Variants in EPB41L2 observed in about 807,000 individuals in gnomAD.
EPB41L2 encodes erythrocyte membrane protein band 4.1 like 2.
A neutral mutation model predicts 113.0 loss-of-function variants in EPB41L2; 43 were observed. That is an observed-to-expected ratio of 0.38 (90% confidence interval 0.30 to 0.49). The LOEUF is 0.49. Ranked by LOEUF, EPB41L2 falls within the 20% of genes least tolerant of loss-of-function variation. The pLI is 0.95. For missense variants in EPB41L2, 1,147 were observed against 1,223.4 expected, an observed-to-expected ratio of 0.94 and a Z score of 0.93; for synonymous variants, 442 against 436.7, an observed-to-expected ratio of 1.01 and a Z score of -0.15.
At chr6:131,035,114 G>A (rs1048737732) in intron 1 of EPB41L2, among the ~76,000 whole-genome samples, 2 of 152,132 alleles carry the variant, frequency 1.3e-5, no homozygotes, top group Non-Finnish European at 2.9e-5. Flanking sequence ...AAAAGCATCC[G>A]AGACCTCTGT....
chr6:130,983,702 T>C (rs934077194), intron 1 of EPB41L2, among the ~76,000 whole-genome samples: 1 of 151,936 alleles, frequency 6.6e-6, no homozygotes, highest in African/African-American at 2.4e-5. Flanking sequence ...TGATTTTTTT[T>C]ATTTTTTGTA....
chr6:130,913,757 G>A (rs916114325), intron 4 of EPB41L2, among the ~76,000 whole-genome samples: 2 of 151,934 alleles, frequency 1.3e-5, no homozygotes, highest in Non-Finnish European at 2.9e-5. Flanking sequence ...ACAAGTTAAT[G>A]ATCTGCATTA....
chr6:130,884,474 T>C (rs1268927554), intron 12 of EPB41L2, among the ~76,000 whole-genome samples: 1 of 152,152 alleles, frequency 6.6e-6, no homozygotes, highest in African/African-American at 2.4e-5. Flanking sequence ...TCTGAAGAAT[T>C]CAAAGGCTTC....
intron 3 of EPB41L2, among the ~76,000 whole-genome samples, chr6:130,952,863 T>C (rs1379821866): frequency 6.6e-6 from 1 of 151,982 alleles, no homozygotes. Flanking sequence ...ATAGAAATTT[T>C]TGTGCTGGAT....
intron 1 of EPB41L2, among the ~76,000 whole-genome samples, chr6:131,047,650 G>T (rs1226463728): frequency 6.6e-6 from 1 of 152,274 alleles, no homozygotes; most frequent in East Asian, 1.9e-4. Context: ...AATGTTTAAG[G>T]CATGTACCTT....
At chr6:131,048,835 C>T (rs1042954884) in intron 1 of EPB41L2, among the ~76,000 whole-genome samples, 5 of 151,816 alleles carry the variant, frequency 3.3e-5, no homozygotes, top group African/African-American at 7.3e-5. Context: ...AAAAACACTT[C>T]GATAATCAGA....
At chr6:130,894,286 G>A in intron 10 of EPB41L2, 58 bp downstream of exon 10, 1 of 1,404,390 alleles carries the variant, frequency 7.1e-7, no homozygotes, top group Non-Finnish European at 1.0e-6. Context: ...TCCTGAGTCA[G>A]TGGAATTACA....
At chr6:130,907,078 CA>C (rs897643724) in intron 5 of EPB41L2, among the ~76,000 whole-genome samples, 12 of 146,430 alleles carry the variant, frequency 8.2e-5, no homozygotes, top group South Asian at 2.2e-4. Context: ...GAGAGTGGCA[CA>C]AAAAAAAAAT....
At chr6:130,927,361 G>A (rs1805112648) in intron 3 of EPB41L2, among the ~76,000 whole-genome samples, 1 of 152,092 alleles carries the variant, frequency 6.6e-6, no homozygotes, top group Non-Finnish European at 1.5e-5. Flanking sequence ...TTAAGAAGCT[G>A]CTGTGAACAG....
rs1019133833 is a variant in EPB41L2, at chr6:130,964,562, T to C, written c.-14-8063A>G. Reference sequence around the variant, plus strand: ...GCATTAGATTAGATGCTATAATACATAAAGTGCCTGGCACATAATAAATTC... The same window carrying C: ...GCATTAGATTAGATGCTATAATACACAAAGTGCCTGGCACATAATAAATTC... On this transcript the variant is annotated intron_variant, in intron 1 of 19. Coordinates refer to ENST00000337057, the MANE Select transcript of EPB41L2 (RefSeq NM_001431.4). Among the ~76,000 whole-genome samples the C allele has an allele frequency of 2.8e-4, 43 of 150,964 alleles. 1 individual carries two copies. Among genetic ancestry groups the C allele is most frequent in the Admixed American group, 1.3e-4 (2 of 15,130 alleles).
At chr6:131,057,208 A>T (rs1261605634) in intron 1 of EPB41L2, among the ~76,000 whole-genome samples, 2 of 152,102 alleles carry the variant, frequency 1.3e-5, no homozygotes, top group African/African-American at 4.8e-5. Context: ...TTCTCCCTTA[A>T]CCTGTCTCTC....
chr6:131,042,541 A>G (rs1479820866), intron 1 of EPB41L2, among the ~76,000 whole-genome samples: 1 of 152,220 alleles, frequency 6.6e-6, no homozygotes, highest in Non-Finnish European at 1.5e-5. Context: ...AAAACAAATG[A>G]TTACAAAATC....
At chr6:131,001,224 C>T (rs577683663) in intron 1 of EPB41L2, among the ~76,000 whole-genome samples, 17 of 152,118 alleles carry the variant, frequency 1.1e-4, no homozygotes, top group Non-Finnish European at 2.1e-4. Flanking sequence ...GTCACGTCTA[C>T]GTCCTGACAC....
intron 8 of EPB41L2, among the ~76,000 whole-genome samples, chr6:130,895,753 G>T (rs1794455562): frequency 6.6e-6 from 1 of 152,154 alleles, no homozygotes; most frequent in African/African-American, 2.4e-5. Context: ...CGTTTCAAAG[G>T]ACTGCAGACT....
chr6:130,873,220 A>G (rs1021394155), intron 14 of EPB41L2, among the ~76,000 whole-genome samples: 4 of 152,214 alleles, frequency 2.6e-5, no homozygotes, highest in African/African-American at 9.6e-5. Context: ...AAAACAATTC[A>G]AAATAGGAAG....
At chr6:130,951,312 C>CTTTTTTTTTTTTTTTTTTTTTT (rs34082234) in intron 3 of EPB41L2, among the ~76,000 whole-genome samples, 4 of 50,846 alleles carry the variant, frequency 7.9e-5, no homozygotes, top group Admixed American at 2.6e-4. Flanking sequence ...AGCCTCAGTA[C>CTTTTTTTTTTTTTTTTTTTTTT]TTTTTTTTTT....
chr6:130,864,215 T>TC (rs1351831060), intron 17 of EPB41L2, among the ~76,000 whole-genome samples: 2 of 152,228 alleles, frequency 1.3e-5, no homozygotes, highest in Non-Finnish European at 2.9e-5. Context: ...TATATTTTTT[T>TC]CCCATCACAG....
intron 3 of EPB41L2, among the ~76,000 whole-genome samples, chr6:130,932,660 A>AT (rs11423134): frequency 0.76 from 115,477 of 152,182 alleles, 44,168 homozygotes; most frequent in East Asian, 1. Flanking sequence ...CAAGAGCATT[A>AT]TTCACATCTA....
At chr6:130,991,208 C>T (rs527380319) in intron 1 of EPB41L2, among the ~76,000 whole-genome samples, 31 of 152,240 alleles carry the variant, frequency 2.0e-4, no homozygotes, top group Non-Finnish European at 2.9e-4. Context: ...CTGTCATACT[C>T]CTTTTCTACC....
Sources: allele counts gnomAD v4.1 joint callset (sites outside exome capture counted in the v4.1 genomes callset), GRCh38; gene constraint gnomAD v4.1.1; transcripts MANE v1.5; gene names NCBI Gene and HGNC (gene_info 2026-07-23, HGNC 2026-07-21).